Variants in CBX2 observed in about 807,000 individuals in gnomAD.
CBX2 encodes chromobox protein homolog 2.
A neutral mutation model predicts 21.0 loss-of-function variants in CBX2; 11 were observed. That is an observed-to-expected ratio of 0.52 (90% CI 0.33 to 0.87). The LOEUF (loss-of-function observed/expected upper bound fraction) is 0.87, where lower values mean the gene tolerates loss of function less well. Among genes scored for constraint, CBX2 ranks in the 40% least tolerant of loss-of-function variants. The pLI is 0.02. For missense variants in CBX2, 746 were observed against 724.3 expected (o/e 1.03, Z -0.34); for synonymous variants, 364 against 304.6 (o/e 1.19, Z -2.03).
intron 4 of CBX2, chr17:79,782,470 G>T: frequency 8.1e-7 from 1 of 1,235,520 alleles, no homozygotes; most frequent in South Asian, 1.7e-5. Flanking sequence ...ACAGGATGGG[G>T]GAGGAGGGCC....
Position 79,785,166 on chromosome 17 carries a change from T to G in CBX2, c.*124T>G. On this transcript the variant is annotated 3_prime_UTR_variant, in exon 5 of 5. Transcript: ENST00000310942. Reference sequence around the variant, plus strand: ...GTCGGGGGAGGAGGAGTGGGTGGCCTCCTTGATGGGCAGGCTTGGAAGGGA... The same window carrying G: ...GTCGGGGGAGGAGGAGTGGGTGGCCGCCTTGATGGGCAGGCTTGGAAGGGA... 5.0e-6 allele frequency: 4 copies of G among 807,794 alleles called. No homozygotes were observed. Among genetic ancestry groups the G allele is most frequent in the Non-Finnish European group, 8.2e-6 (4 of 490,280 alleles). 50.0% of individuals were successfully genotyped at this position (807,794 alleles called of 1,614,324 possible).
chr17:79,779,604 CCT>C (rs1440977799), intron 3 of CBX2, 177 bp downstream of exon 3: 2 of 634,052 alleles, frequency 3.2e-6, no homozygotes, highest in Non-Finnish European at 5.7e-6. Context: ...CCAGCCAGCC[CCT>C]CTCCCACCTT....
chr17:79,784,191 A>G lies in CBX2; in HGVS notation c.748A>G (p.Ile250Val), dbSNP rs782785923. The G allele has an allele frequency of 6.2e-7, 1 of 1,612,734 alleles. No homozygotes were observed. The highest frequency in any genetic ancestry group is 8.5e-7 in the Non-Finnish European group (1 of 1,179,910). The change falls in exon 5 of 5, where the codon ATC (isoleucine) becomes GTC (valine). Residue 250 changes from isoleucine (I) to valine (V), a missense_variant. By Grantham distance (29) the Ile-to-Val change is conservative. Coordinates refer to ENST00000310942, the MANE Select transcript of CBX2 (RefSeq NM_005189.3). The surrounding 1 kb of genome is among the most constrained non-coding windows in gnomAD (Gnocchi z 5.9). The part of the protein sequence containing the change: ...GMASSPGRGG[I>V]SWQSSIVHYM... The stretch of plus-strand genomic sequence containing the variant: ...GGCCAGTAGCCCCGGCCGGGGTGGC[A>G]TCAGCTGGCAGAGCTCCATCGTGCA...
In CBX2 at chr17:79,787,065, G is replaced by T. The variant is rs868934782; in HGVS notation, c.*2023G>T. ...GAAGCAGACAGTAAGGGGAAGAGCT[G>T]CTCCCACAGGAGAGGGAGAGATTCC... On this transcript the variant is annotated 3_prime_UTR_variant, in exon 5 of 5. Coordinates refer to ENST00000310942, the MANE Select transcript of CBX2 (RefSeq NM_005189.3). 2.6e-5 allele frequency: 4 copies of T among 152,458 alleles called. No homozygotes were observed. The highest frequency in any genetic ancestry group is 2.1e-4 in the South Asian group (1 of 4,834). 9.4% of individuals were successfully genotyped at this position (152,458 alleles called of 1,614,324 possible).
rs1435084618 is a variant in CBX2, at chr17:79,783,950, G to A, written c.507G>A (p.Leu169=). 1.9e-6 allele frequency: 3 copies of A among 1,613,780 alleles called. No individual in the cohort carries two copies. Among genetic ancestry groups the A allele is most frequent in the Non-Finnish European group, 2.5e-6 (3 of 1,180,052 alleles). ...GGAAGAAGCGGGGACGAAAGCCCCT[G>A]CCCCCAGAGCAAAAGGCAACCCGAA... ...PIRKKRGRKP[L]PPEQKATRRP... Residue 169 remains leucine, a synonymous_variant, in exon 5 of 5, where the codon CTG becomes CTA. Transcript: ENST00000310942.
Position 79,785,256 on chromosome 17 carries a change from C to T in CBX2, c.*214C>T. On this transcript the variant is annotated 3_prime_UTR_variant, in exon 5 of 5. Coordinates refer to ENST00000310942, the MANE Select transcript of CBX2 (RefSeq NM_005189.3). Reference sequence around the variant, plus strand: ...GGGGCCTCACTGCCTTGTTGGTCTCCACCTTGTTCCTACCTCTGCAGGCCT... The same window carrying T: ...GGGGCCTCACTGCCTTGTTGGTCTCTACCTTGTTCCTACCTCTGCAGGCCT... 8.3e-6 allele frequency: 5 copies of T among 603,172 alleles called. No individual in the cohort carries two copies. Among genetic ancestry groups the T allele is most frequent in the Middle Eastern group, 4.4e-4 (1 of 2,274 alleles). The allele number at this position is 603,172 out of a possible 1,614,324, so 37.4% of individuals were successfully genotyped here.
rs1555830762 is a variant in CBX2, at chr17:79,782,909, C to T, written c.289-823C>T. 3.9e-5 allele frequency among the ~76,000 whole-genome samples: 6 copies of T among 152,228 alleles called. No homozygotes were observed. In the East Asian group the frequency reaches 5.8e-4, roughly 15 times the overall value. On this transcript the variant is annotated intron_variant, in intron 4 of 4. Transcript: ENST00000310942. ...CAAGGACACTCTTATTTAACATTGG[C>T]GGTGACATCCAGAAGGCGAGGAAGA... is the stretch of plus-strand genomic sequence containing the variant.
chr17:79,787,531 AT>A lies in CBX2; in HGVS notation c.*2490del, dbSNP rs1907722159. On this transcript the variant is annotated 3_prime_UTR_variant, in exon 5 of 5. Coordinates refer to ENST00000310942, the MANE Select transcript of CBX2 (RefSeq NM_005189.3). ...CCAGATGCTCAGACTTGGTTGTCTT[AT>A]GTTTACCAATAAATAAAAGTAGACT... is the stretch of plus-strand genomic sequence containing the variant. 6.6e-6 allele frequency: 1 copy of A among 152,632 alleles called. No individual in the cohort carries two copies. Among genetic ancestry groups the A allele is most frequent in the African/African-American group, 2.4e-5 (1 of 41,440 alleles). The allele number at this position is 152,632 out of a possible 1,614,324, so 9.5% of individuals were successfully genotyped here.
chr17:79,777,828 G>A (rs1555829197), upstream of CBX2, among the ~76,000 whole-genome samples: 2 of 151,456 alleles, frequency 1.3e-5, no homozygotes, highest in Non-Finnish European at 2.9e-5. Context: ...AGCAAGGGCG[G>A]GCGCGCCCCG....
chr17:79,781,310 G>A (rs1229461059), intron 3 of CBX2, among the ~76,000 whole-genome samples: 2 of 152,170 alleles, frequency 1.3e-5, no homozygotes, highest in African/African-American at 4.8e-5. Flanking sequence ...CTTGTCCTGG[G>A]CTTCCTTCTC....
Position 79,787,471 on chromosome 17 carries a change from C to CGT in CBX2, c.*2433_*2434dup. 6.5e-6 allele frequency: 1 copy of CGT among 152,800 alleles called. No homozygotes were observed. Among genetic ancestry groups the CGT allele is most frequent in the South Asian group, 2.1e-4 (1 of 4,826 alleles). 9.5% of individuals were successfully genotyped at this position (152,800 alleles called of 1,614,324 possible). On this transcript the variant is annotated 3_prime_UTR_variant, in exon 5 of 5. Coordinates refer to ENST00000310942, the MANE Select transcript of CBX2 (RefSeq NM_005189.3). ...TGTGTTTTTCCTGGTGCTTCAAGAGCGTGTGCAGGGCAAGTGCCGTCACTG... is the reference window on the plus strand; with the variant it reads ...TGTGTTTTTCCTGGTGCTTCAAGAGCGTGTGTGCAGGGCAAGTGCCGTCACTG...
intron 3 of CBX2, 81 bp from the exon 4 acceptor site, chr17:79,781,615 G>GT (rs1555830235): frequency 8.4e-7 from 1 of 1,190,408 alleles, no homozygotes; most frequent in East Asian, 2.3e-5. Flanking sequence ...CAGGAATAGG[G>GT]TGCTGGAAGC....
At position 79,778,317 on chromosome 17, in the gene CBX2, GC is replaced by G; in HGVS notation, c.72+13del. 6.4e-7 allele frequency: 1 copy of G among 1,560,876 alleles called. No homozygotes were observed. Reference sequence around the variant, plus strand: ...CAAGCGGCTCCGCAAGGTGCGTGCGGCCCGCCGGGCCCCCCGCCCGCCGCCC... The same window carrying G: ...CAAGCGGCTCCGCAAGGTGCGTGCGGCCGCCGGGCCCCCCGCCCGCCGCCC... On this transcript the variant is annotated intron_variant, in intron 1 of 4. Transcript: ENST00000310942. The surrounding 1 kb of genome is among the most constrained non-coding windows in gnomAD (Gnocchi z 4.8).
rs1433738302 is a variant in CBX2, at chr17:79,787,043, GCAGA to G, written c.*2005_*2008del. 5 of 152,578 alleles carry G rather than the reference GCAGA, an allele frequency of 3.3e-5. No homozygotes were observed. Among genetic ancestry groups the G allele is most frequent in the Non-Finnish European group, 7.3e-5 (5 of 68,092 alleles). 9.5% of individuals were successfully genotyped at this position (152,578 alleles called of 1,614,324 possible). A position where few individuals can be genotyped will look rare whatever the true frequency, so the allele number is the denominator to read the frequency against. The stretch of plus-strand genomic sequence containing the variant: ...CCAGATAGCTAGGCCAGAGCTGGAA[GCAGA>G]CAGTAAGGGGAAGAGCTGCTCCCAC... On this transcript the variant is annotated 3_prime_UTR_variant, in exon 5 of 5. Transcript: ENST00000310942.
chr17:79,784,482 C>G lies in CBX2; in HGVS notation c.1039C>G (p.Pro347Ala). The change falls in exon 5 of 5, where the codon CCC becomes GCC. Residue 347 changes from proline to alanine, a missense_variant. Physicochemically the swap from Pro to Ala is conservative, Grantham distance 27 (BLOSUM62 -1). Coordinates refer to ENST00000310942, the MANE Select transcript of CBX2 (RefSeq NM_005189.3). The surrounding 1 kb of genome is among the most constrained non-coding windows in gnomAD (Gnocchi z 5.9). ...TGGGTGCCCAGGCCCCCAGCCAGCA[C>G]CCACCCAGGAGCTGAGCCTCCAGGT... ...PAGCPGPQPA[P>A]TQELSLQVLD... The G allele has an allele frequency of 6.2e-7, 1 of 1,612,732 alleles. No individual in the cohort carries two copies. The highest frequency in any genetic ancestry group is 8.5e-7 in the Non-Finnish European group (1 of 1,179,902).
chr17:79,782,035 C>T (rs369433549), intron 4 of CBX2: 4 of 1,614,010 alleles, frequency 2.5e-6, no homozygotes, highest in East Asian at 4.5e-5. Context: ...CCTGCTTCAG[C>T]CTGTCCTGCA....
In CBX2 at chr17:79,778,627, C is replaced by T. The variant is rs1460644243; in HGVS notation, c.116+200C>T. On this transcript the variant is annotated intron_variant, in intron 2 of 4. Transcript: ENST00000310942. The surrounding 1 kb of genome is among the most constrained non-coding windows in gnomAD (Gnocchi z 4.8). Reference sequence around the variant, plus strand: ...AGGTTGCCCTTTGTTTACACGCCCGCGGGTGCAGAGCTGGGCGGCCCCCCG... The same window carrying T: ...AGGTTGCCCTTTGTTTACACGCCCGTGGGTGCAGAGCTGGGCGGCCCCCCG... Among the ~76,000 whole-genome samples, 3 of 151,378 alleles carry T rather than the reference C, an allele frequency of 2.0e-5. No homozygotes were observed. The highest frequency in any genetic ancestry group is 2.0e-4 in the Admixed American group (3 of 15,244).
intron 4 of CBX2, chr17:79,782,225 G>A (rs1165493559): frequency 4.4e-6 from 7 of 1,598,532 alleles, no homozygotes; most frequent in East Asian, 2.3e-5. Context: ...ACCTGCGGGT[G>A]CACCTTAAAT....
Position 79,785,388 on chromosome 17 carries a change from A to C in CBX2, c.*346A>C. On this transcript the variant is annotated 3_prime_UTR_variant, in exon 5 of 5. Transcript: ENST00000310942. ...ATGGCTGCGTTGTTGCTGAGTTTGA[A>C]CTGCTCCTCCCTGGCCTGCGTGACT... 2.7e-6 allele frequency: 1 copy of C among 375,956 alleles called. No individual in the cohort carries two copies. The highest frequency in any genetic ancestry group is 5.0e-6 in the Non-Finnish European group (1 of 198,316). 23.3% of individuals were successfully genotyped at this position (375,956 alleles called of 1,614,324 possible).
Sources: gnomAD v4.1 joint callset for allele counts (sites outside exome capture counted in the v4.1 genomes callset) on GRCh38, gnomAD v4.1.1 for gene constraint, Gnocchi (gnomAD v3.1) non-coding constraint, MANE v1.5 for transcripts, NCBI Gene and HGNC (gene_info 2026-07-23, HGNC 2026-07-21) for gene names.